Variants in SLC25A12 observed in about 807,000 individuals in gnomAD.
SLC25A12 encodes the protein solute carrier family 25 member 12.
SLC25A12 carries 32 observed loss-of-function variants against 83.3 expected under a neutral mutation model. That is an observed-to-expected ratio of 0.38 (90% CI 0.29 to 0.52). The LOEUF is 0.52. SLC25A12 is among the 20% of genes least tolerant of loss of function. The probability of loss-of-function intolerance (pLI) is 0.84; values close to 1 mark genes in which losing one functional copy is unlikely to be tolerated. For synonymous variants in SLC25A12, 267 were observed against 291.1 expected (o/e 0.92, Z 0.84); for missense variants, 611 against 835.6 (o/e 0.73, Z 3.31).
intron 13 of SLC25A12, among the ~76,000 whole-genome samples, chr2:171,809,123 G>A (rs1683900271): frequency 6.6e-6 from 1 of 152,160 alleles, no homozygotes; most frequent in Non-Finnish European, 1.5e-5. Context: ...ATTTGGGTTG[G>A]TTCCAAGTCT....
At chr2:171,787,508 C>T (rs1405235787) in intron 17 of SLC25A12, 63 bp downstream of exon 17, 2 of 1,274,878 alleles carry the variant, frequency 1.6e-6, no homozygotes, top group East Asian at 2.3e-5. Context: ...CTTTTGTAGA[C>T]AGAACAAACA....
At chr2:171,836,951 C>T (rs958577317) in intron 6 of SLC25A12, among the ~76,000 whole-genome samples, 170 bp downstream of exon 6, 6 of 143,170 alleles carry the variant, frequency 4.2e-5, no homozygotes, top group African/African-American at 1.2e-4. Context: ...CACGTACACA[C>T]ACACACATGC....
intron 2 of SLC25A12, among the ~76,000 whole-genome samples, chr2:171,874,582 G>A (rs113618284): frequency 6.6e-6 from 1 of 152,042 alleles, no homozygotes. Context: ...TGCCACAGAG[G>A]TGTCTATTCT....
intron 4 of SLC25A12, among the ~76,000 whole-genome samples, chr2:171,850,366 G>C (rs531068316): frequency 3.0e-4 from 22 of 73,226 alleles, no homozygotes; most frequent in African/African-American, 1.1e-3. Flanking sequence ...TTTTTTTTGA[G>C]ATGGAGTCTT....
At chr2:171,885,363 G>A (rs1374653348) in intron 2 of SLC25A12, among the ~76,000 whole-genome samples, 1 of 150,234 alleles carries the variant, frequency 6.7e-6, no homozygotes, top group African/African-American at 2.5e-5. Context: ...ACTCTATATA[G>A]TTTATGTTAA....
intron 13 of SLC25A12, among the ~76,000 whole-genome samples, chr2:171,799,334 A>C (rs1271148611): frequency 1.3e-5 from 2 of 152,258 alleles, no homozygotes; most frequent in Non-Finnish European, 2.9e-5. Context: ...ACTTGTATGC[A>C]TATCTATATG....
At chr2:171,852,081 A>G (rs1043501838) in intron 4 of SLC25A12, among the ~76,000 whole-genome samples, 1 of 152,218 alleles carries the variant, frequency 6.6e-6, no homozygotes, top group Non-Finnish European at 1.5e-5. Context: ...CACGGCATGC[A>G]TTAGAAGTTT....
At chr2:171,871,639 T>A (rs1013124057) in intron 2 of SLC25A12, 2 of 830,782 alleles carry the variant, frequency 2.4e-6, no homozygotes, top group South Asian at 1.1e-4. Flanking sequence ...ATCTTTGTAA[T>A]AGCGACTTCC....
chr2:171,804,014 T>C (rs765739297), intron 13 of SLC25A12, among the ~76,000 whole-genome samples: 10 of 152,016 alleles, frequency 6.6e-5, no homozygotes, highest in Non-Finnish European at 1.2e-4. Flanking sequence ...TGAAAACATG[T>C]CCATGCAAAA....
intron 10 of SLC25A12, among the ~76,000 whole-genome samples, chr2:171,814,178 T>C (rs1684001351): frequency 6.6e-6 from 1 of 152,146 alleles, no homozygotes; most frequent in South Asian, 2.1e-4. Context: ...AAAAAGTCTT[T>C]TGAGTTCAGG....
At chr2:171,834,326 T>C (rs1684510287) in intron 7 of SLC25A12, 1 of 452,248 alleles carries the variant, frequency 2.2e-6, no homozygotes, top group Admixed American at 3.6e-5. Context: ...TCCTCTTATC[T>C]TGCTTATTCA....
intron 9 of SLC25A12, among the ~76,000 whole-genome samples, chr2:171,822,172 T>C (rs1405229722): frequency 6.6e-6 from 1 of 152,182 alleles, no homozygotes; most frequent in African/African-American, 2.4e-5. Context: ...CTAATGGAAG[T>C]AGATGAGGGT....
chr2:171,811,940 C>T (rs573154496), intron 11 of SLC25A12, among the ~76,000 whole-genome samples: 1 of 152,254 alleles, frequency 6.6e-6, no homozygotes, highest in South Asian at 2.1e-4. Flanking sequence ...AAAAAAACAA[C>T]CTTAATGCCA....
At chr2:171,874,567 CTT>C (rs1461318438) in intron 2 of SLC25A12, among the ~76,000 whole-genome samples, 8 of 152,234 alleles carry the variant, frequency 5.3e-5, no homozygotes, top group Non-Finnish European at 1.2e-4. Context: ...AACAATTGTT[CTT>C]TTTGCCACAG....
intron 3 of SLC25A12, among the ~76,000 whole-genome samples, chr2:171,858,749 C>T (rs1321188293): frequency 6.6e-6 from 1 of 152,178 alleles, no homozygotes; most frequent in African/African-American, 2.4e-5. Context: ...GTAGCACCAG[C>T]CCCTTGAAGA....
intron 4 of SLC25A12, among the ~76,000 whole-genome samples, chr2:171,849,204 AATACATAC>A (rs201012259): frequency 4.0e-5 from 6 of 151,804 alleles, no homozygotes; most frequent in Non-Finnish European, 7.4e-5. Flanking sequence ...TTAATAAATA[AATACATAC>A]ATACATACAT....
At position 171,810,250 on chromosome 2, in the gene SLC25A12, C is replaced by A; in HGVS notation, c.1198G>T (p.Ala400Ser). 6.2e-7 allele frequency: 1 copy of A among 1,613,524 alleles called. No homozygotes were observed. The highest frequency in any genetic ancestry group is 8.5e-7 in the Non-Finnish European group (1 of 1,179,562). Reference protein sequence around the residue: ...RGLIPQLIGVAPEKAIKLTVN... With the variant: ...RGLIPQLIGVSPEKAIKLTVN... ...GTCAGTTTAATGGCCTTTTCTGGAG[C>A]AACCCCTATAAGTTGTGGTATCAGA... The change falls in exon 12 of 18, where the codon GCT (alanine) becomes TCT (serine). Residue 400 changes from alanine (A) to serine (S), a missense_variant. Around this residue, in one of 3 missense-constraint regions of SLC25A12, gnomAD observed 540 missense variants for 777.5 expected, o/e 0.69. Transcript: ENST00000422440.
At chr2:171,886,477 A>C (rs1685822077) in intron 2 of SLC25A12, among the ~76,000 whole-genome samples, 1 of 149,628 alleles carries the variant, frequency 6.7e-6, no homozygotes, top group African/African-American at 2.5e-5. Flanking sequence ...TTGAGGAAAA[A>C]TTCAGTGCTG....
chr2:171,883,658 T>C (rs1424016487), intron 2 of SLC25A12, among the ~76,000 whole-genome samples: 2 of 152,172 alleles, frequency 1.3e-5, no homozygotes, highest in African/African-American at 4.8e-5. Context: ...TATCTAAGCT[T>C]TGTACGTGTG....
Sources: gnomAD v4.1 joint callset for allele counts (sites outside exome capture counted in the v4.1 genomes callset) on GRCh38, gnomAD v4.1.1 for gene constraint, gnomAD v4.1.1 regional missense constraint, MANE v1.5 for transcripts, NCBI Gene and HGNC (gene_info 2026-07-23, HGNC 2026-07-21) for gene names.